PSG6: variants seen among roughly 807,000 people sequenced by gnomAD.
The protein encoded by PSG6 is pregnancy-specific beta-1-glycoprotein 6.
Under a neutral mutation model 43.3 loss-of-function variants are expected in PSG6, and 51 were observed. That is an observed-to-expected ratio of 1.18 (90% CI 0.94 to 1.49). The LOEUF (loss-of-function observed/expected upper bound fraction) is 1.49. PSG6 is among the 40% of genes most tolerant of loss of function. The pLI, the probability that PSG6 is intolerant of heterozygous loss-of-function variation, is 0.00. For missense variants in PSG6, 770 were observed against 522.2 expected (o/e 1.47, Z -4.62); for synonymous variants, 292 against 197.6 (o/e 1.48, Z -4.01).
chr19:42,916,573 T>G (rs1184676318), intron 1 of PSG6, 86 bp from the exon 2 acceptor site: 1 of 1,500,460 alleles, frequency 6.7e-7, no homozygotes, highest in Admixed American at 2.1e-5. Context: ...GAAGGTCTCT[T>G]CAATCATCAG....
chr19:42,916,549 G>C, intron 1 of PSG6, 62 bp from the exon 2 acceptor site: 1 of 1,556,690 alleles, frequency 6.4e-7, no homozygotes, highest in Non-Finnish European at 8.7e-7. Context: ...AAAAGATGGG[G>C]CCCTGTGTCC....
In PSG6 at chr19:42,910,549, C is replaced by T. The variant is rs775217000; in HGVS notation, c.706+31G>A. 6.4e-5 allele frequency: 104 copies of T among 1,612,462 alleles called. 4 individuals are homozygous for T. In the South Asian group the frequency reaches 1.1e-3, roughly 16 times the overall value. Reference sequence around the variant, plus strand: ...TGGCCACTTGTATTTGGGATGGCAGCCTGGCTCACAGAGGAACAGAAGATA... The same window carrying T: ...TGGCCACTTGTATTTGGGATGGCAGTCTGGCTCACAGAGGAACAGAAGATA... On this transcript the variant is annotated intron_variant, in intron 3 of 5. Transcript: ENST00000187910.
At chr19:42,916,519 T>G in intron 1 of PSG6, 32 bp from the exon 2 acceptor site, 1 of 1,591,704 alleles carries the variant, frequency 6.3e-7, no homozygotes. Flanking sequence ...AGTTAATATT[T>G]GGACCTATGT....
rs1388909632 is a variant in PSG6, at chr19:42,916,174, T to A, written c.378A>T (p.Arg126=). Residue 126 remains arginine, a synonymous_variant, in exon 2 of 6, where the codon CGA becomes CGT. Transcript: ENST00000187910. The part of the protein sequence containing the change: ...AGSYTLHIIK[R]GDGTGGVTGY... ...CAGTTACTCCTCCAGTCCCATCGCCTCGCTTTATGATGTGTAAGGTGTAGG... is the reference window on the plus strand; with the variant it reads ...CAGTTACTCCTCCAGTCCCATCGCCACGCTTTATGATGTGTAAGGTGTAGG... The A allele has an allele frequency of 1.2e-6, 2 of 1,612,130 alleles. No individual in the cohort carries two copies. The highest frequency in any genetic ancestry group is 2.2e-5 in the South Asian group (2 of 90,634).
chr19:42,912,887 C>T (rs187865864), intron 2 of PSG6, among the ~76,000 whole-genome samples: 4 of 151,678 alleles, frequency 2.6e-5, no homozygotes, highest in African/African-American at 9.7e-5. Context: ...TGGCCACCTC[C>T]ATCTGGTCCC....
chr19:42,908,332 A>T (rs1435824970), intron 3 of PSG6, among the ~76,000 whole-genome samples: 2 of 151,756 alleles, frequency 1.3e-5, no homozygotes, highest in Non-Finnish European at 2.9e-5. Context: ...CCCTGCAGAT[A>T]CTGAGCAGCC....
At position 42,906,951 on chromosome 19, in the gene PSG6, A is replaced by T. The variant is rs1065525; in HGVS notation, c.1211T>A (p.Ile404Asn). Residue 404 changes from isoleucine to asparagine, a missense_variant, in exon 5 of 6, where the codon ATC (isoleucine) becomes AAC (asparagine). Transcript: ENST00000187910. ...GACTTTGACTATCATGGATTTGGAG[A>T]TTTCCTTGCCAGTGGCTGAGTTACG... ...SVRNSATGKEISKSMIVKVSG... is the reference protein window; with the variant it reads ...SVRNSATGKENSKSMIVKVSG... 6.2e-7 allele frequency: 1 copy of T among 1,612,244 alleles called. No homozygotes were observed. The highest frequency in any genetic ancestry group is 8.5e-7 in the Non-Finnish European group (1 of 1,179,056).
intron 5 of PSG6, among the ~76,000 whole-genome samples, chr19:42,905,989 G>A (rs1035111854): frequency 4.0e-5 from 6 of 151,576 alleles, no homozygotes; most frequent in Non-Finnish European, 8.8e-5. Context: ...TTCTGGAAAT[G>A]GATAGTGTGA....
At chr19:42,909,660 A>G (rs529541846) in intron 3 of PSG6, 1 of 151,856 alleles carries the variant, frequency 6.6e-6, no homozygotes, top group South Asian at 2.1e-4. Context: ...AAAATATTTT[A>G]TTCCTTTTGA....
At chr19:42,902,475 A>G in intron 5 of PSG6, 29 bp from the exon 6 acceptor site, 1 of 1,606,514 alleles carries the variant, frequency 6.2e-7, no homozygotes, top group Non-Finnish European at 8.5e-7. Context: ...AGGTCAGCGC[A>G]TTTCAAATTC....
intron 1 of PSG6, among the ~76,000 whole-genome samples, chr19:42,917,283 C>T (rs1407071391): frequency 1.3e-5 from 2 of 151,146 alleles, no homozygotes; most frequent in Non-Finnish European, 3.0e-5. Context: ...TATTTTGACC[C>T]CTGTCCCTCT....
At chr19:42,905,021 G>A (rs562160460) in intron 5 of PSG6, among the ~76,000 whole-genome samples, 2,231 of 151,620 alleles carry the variant, frequency 0.015, 71 homozygotes, top group African/African-American at 0.046. Context: ...TGCCAAGATC[G>A]TTCAATGGGG....
At chr19:42,907,406 G>T (rs1330290786) in intron 4 of PSG6, among the ~76,000 whole-genome samples, 170 bp downstream of exon 4, 1 of 151,826 alleles carries the variant, frequency 6.6e-6, no homozygotes, top group African/African-American at 2.4e-5. Context: ...TATATTCTTG[G>T]TTAAGGCTGT....
intron 2 of PSG6, 57 bp downstream of exon 2, chr19:42,916,068 G>A (rs1647465130): frequency 1.9e-6 from 3 of 1,601,758 alleles, no homozygotes; most frequent in Middle Eastern, 1.7e-4. Flanking sequence ...TTCTGTGTGT[G>A]TGAAGTAGAA....
intron 2 of PSG6, among the ~76,000 whole-genome samples, chr19:42,913,440 C>T (rs1453485945): frequency 6.6e-6 from 1 of 151,780 alleles, no homozygotes; most frequent in African/African-American, 2.4e-5. Flanking sequence ...CCACTGTGCC[C>T]AGCCATCTCT....
chr19:42,914,633 G>A (rs1028368928), intron 2 of PSG6, among the ~76,000 whole-genome samples: 11 of 151,446 alleles, frequency 7.3e-5, no homozygotes, highest in Non-Finnish European at 1.0e-4. Flanking sequence ...TGAAACATGG[G>A]TGTCAGCCTC....
chr19:42,908,438 T>A (rs558536589), intron 3 of PSG6, among the ~76,000 whole-genome samples: 1 of 151,458 alleles, frequency 6.6e-6, no homozygotes, highest in South Asian at 2.1e-4. Context: ...AGGCACCAGG[T>A]GGGGCAGTTT....
intron 3 of PSG6, 144 bp downstream of exon 3, chr19:42,910,436 C>T (rs1406520484): frequency 2.5e-6 from 4 of 1,597,124 alleles, no homozygotes; most frequent in East Asian, 2.2e-5. Context: ...CTCTGGTTTG[C>T]CTGGAGCAGA....
Position 42,907,594 on chromosome 19 carries a change from C to T in PSG6, c.967G>A (p.Val323Ile). The T allele has an allele frequency of 1.2e-6, 2 of 1,612,052 alleles. No individual in the cohort carries two copies. The highest frequency in any genetic ancestry group is 1.7e-6 in the Non-Finnish European group (2 of 1,179,104). The change falls in exon 4 of 6, where the codon GTC becomes ATC. Residue 323 changes from valine to isoleucine, a missense_variant. Physicochemically the swap from Val to Ile is conservative, Grantham distance 29. Coordinates refer to ENST00000187910, the MANE Select transcript of PSG6 (RefSeq NM_001031850.4). ...TACTCACAGAGGACATTCAGGGTGA[C>T]TGGGTTACTGCGGATGCCACCATAT... ...DRYGGIRSNP[V>I]TLNVLYGPDL...
Sources: gnomAD v4.1 joint callset for allele counts (sites outside exome capture counted in the v4.1 genomes callset) on GRCh38, gnomAD v4.1.1 for gene constraint, MANE v1.5 for transcripts, NCBI Gene and HGNC (gene_info 2026-07-23, HGNC 2026-07-21) for gene names.